Variants in LRBA observed in about 807,000 individuals in gnomAD.
LRBA encodes the protein lipopolysaccharide-responsive and beige-like anchor protein.
Under a neutral mutation model 330.0 loss-of-function variants are expected in LRBA, and 176 were observed. The observed-to-expected ratio is 0.53, with a 90% CI of 0.47 to 0.60. LRBA has a LOEUF of 0.60. Ranked by LOEUF, LRBA falls within the 20% of genes least tolerant of loss-of-function variation. LRBA has a pLI of 0.00. For synonymous variants in LRBA, 1,230 were observed against 1,193.0 expected, an observed-to-expected ratio of 1.03 and a Z score of -0.64; for missense variants, 3,259 against 3,444.8, an observed-to-expected ratio of 0.95 and a Z score of 1.35.
chr4:150,733,580 A>T (rs113638883), intron 36 of LRBA, among the ~76,000 whole-genome samples: 107,703 of 142,128 alleles, frequency 0.76, 42,775 homozygotes, highest in Non-Finnish European at 0.91. Context: ...TCTCTCTCAC[A>T]CACACACACA....
At chr4:150,925,530 G>A (rs182780094) in intron 4 of LRBA, among the ~76,000 whole-genome samples, 1 of 152,282 alleles carries the variant, frequency 6.6e-6, no homozygotes, top group Admixed American at 6.5e-5. Context: ...CTAATGAAAA[G>A]CGCACCAAGT....
At chr4:150,932,229 T>C (rs1383785693) in intron 2 of LRBA, among the ~76,000 whole-genome samples, 1 of 151,750 alleles carries the variant, frequency 6.6e-6, no homozygotes, top group African/African-American at 2.4e-5. Flanking sequence ...AAACTCTATA[T>C]GCAAAAAAAA....
At chr4:150,422,404 A>T (rs1424161201) in intron 46 of LRBA, among the ~76,000 whole-genome samples, 1 of 152,122 alleles carries the variant, frequency 6.6e-6, no homozygotes, top group Non-Finnish European at 1.5e-5. Flanking sequence ...CTCATCTTTC[A>T]CAATGGTGCA....
chr4:150,740,909 A>G (rs1475077362), intron 35 of LRBA, among the ~76,000 whole-genome samples: 1 of 152,086 alleles, frequency 6.6e-6, no homozygotes, highest in Non-Finnish European at 1.5e-5. Flanking sequence ...AAAGACTTAT[A>G]AGTAAGATGG....
At chr4:151,001,888 A>G (rs113239502) in intron 2 of LRBA, among the ~76,000 whole-genome samples, 2 of 152,156 alleles carry the variant, frequency 1.3e-5, no homozygotes, top group African/African-American at 4.8e-5. Flanking sequence ...TGAGGCCTGA[A>G]AAGTGCCAAA....
Position 150,321,505 on chromosome 4 carries a change from C to T in LRBA, c.7453-137G>A, listed in dbSNP as rs1254303569. 7.9e-6 allele frequency: 5 copies of T among 636,706 alleles called. No homozygotes were observed. The African/African-American group carries it at 9.5e-5, about 12-fold the overall frequency. The allele number at this position is 636,706 out of a possible 1,614,324, so 39.4% of individuals were successfully genotyped here. A position where few individuals can be genotyped will look rare whatever the true frequency, so the allele number is the denominator to read the frequency against. The stretch of plus-strand genomic sequence containing the variant: ...TATTAACATGAGTTGTAAGTGGAAG[C>T]ACAGTGAGCAGAAAGGCTTGTAGAA... On this transcript the variant is annotated intron_variant, in intron 49 of 56. Transcript: ENST00000651943. This position sits in a 1 kb window ranked among gnomAD's most constrained non-coding sequence, Gnocchi z 4.5.
In LRBA at chr4:150,893,107, T is replaced by C. The variant is rs2127098326; in HGVS notation, c.2110A>G (p.Met704Val). 2 of 1,612,580 alleles carry C rather than the reference T, an allele frequency of 1.2e-6. No homozygotes were observed. The highest frequency in any genetic ancestry group is 2.2e-5 in the South Asian group (2 of 90,838). ...ATCATAGAGTTAGGGTGTTCTGACATTAATGCAACAAGCAGCTGTAGGACA... is the reference window on the plus strand; with the variant it reads ...ATCATAGAGTTAGGGTGTTCTGACACTAATGCAACAAGCAGCTGTAGGACA... ...MDVLQLLVAL[M>V]SEHPNSMIPA... The change falls in exon 17 of 57, where the codon ATG (methionine) becomes GTG (valine). Residue 704 changes from methionine (M) to valine (V), a missense_variant. By Grantham distance (21) the Met-to-Val change is conservative. Transcript: ENST00000651943.
chr4:150,791,145 C>T (rs543433943), intron 34 of LRBA, among the ~76,000 whole-genome samples: 1 of 152,166 alleles, frequency 6.6e-6, no homozygotes, highest in African/African-American at 2.4e-5. Context: ...GAGACTGGGT[C>T]TGCTCATGTT....
At chr4:150,955,481 C>T (rs770230529) in intron 2 of LRBA, among the ~76,000 whole-genome samples, 5 of 148,808 alleles carry the variant, frequency 3.4e-5, no homozygotes, top group Non-Finnish European at 5.9e-5. Context: ...AAGCCATGTC[C>T]GGTGGCACCC....
intron 34 of LRBA, among the ~76,000 whole-genome samples, chr4:150,797,846 T>C (rs1741018133): frequency 6.6e-6 from 1 of 152,142 alleles, no homozygotes; most frequent in Admixed American, 6.5e-5. Context: ...TGGACATTTT[T>C]AAAGTGACTC....
chr4:150,756,868 G>A (rs1385257988), intron 35 of LRBA, among the ~76,000 whole-genome samples: 1 of 152,122 alleles, frequency 6.6e-6, no homozygotes, highest in African/African-American at 2.4e-5. Context: ...AGAGAAAGTT[G>A]TGCCTTTCAA....
At chr4:150,469,980 C>G (rs1467808786) in intron 43 of LRBA, among the ~76,000 whole-genome samples, 1 of 152,078 alleles carries the variant, frequency 6.6e-6, no homozygotes, top group Non-Finnish European at 1.5e-5. Context: ...GTCAGGAGTT[C>G]AAGACCAGCC....
rs766651200 is a variant in LRBA at position 150,310,270 on chromosome 4, C to G, written c.7808G>C (p.Gly2603Ala). The stretch of plus-strand genomic sequence containing the variant: ...GACTCTGAAACTTTTATCCCAGAAG[C>G]CACAGACGAGAATATAGCGGTTGTC... ...TSDNRYILVC[G>A]FWDKSFRVYS... Residue 2603 changes from glycine (G) to alanine (A), a missense_variant, in exon 52 of 57, where the codon GGC becomes GCC. Transcript: ENST00000651943. The G allele has an allele frequency of 5.6e-6, 9 of 1,612,774 alleles. No homozygotes were observed. The highest frequency in any genetic ancestry group is 1.7e-5 in the Admixed American group (1 of 59,924).
At chr4:150,422,924 C>G (rs1171818593) in intron 46 of LRBA, 1 of 801,966 alleles carries the variant, frequency 1.2e-6, no homozygotes, top group East Asian at 2.4e-5. Context: ...TGGATGCCAG[C>G]TCTGTACAAG....
chr4:150,487,676 T>G, intron 42 of LRBA, 56 bp downstream of exon 42: 1 of 917,638 alleles, frequency 1.1e-6, no homozygotes, highest in South Asian at 1.7e-5. Flanking sequence ...TACTGGTTAA[T>G]TATTATAACT....
intron 30 of LRBA, among the ~76,000 whole-genome samples, chr4:150,823,450 A>C (rs1578896040): frequency 6.6e-6 from 1 of 152,112 alleles, no homozygotes; most frequent in African/African-American, 2.4e-5. Flanking sequence ...TCTGCTATGC[A>C]TAAGTTCTGT....
intron 54 of LRBA, among the ~76,000 whole-genome samples, chr4:150,285,463 C>A (rs1024322161): frequency 2.6e-5 from 4 of 152,196 alleles, no homozygotes; most frequent in African/African-American, 9.7e-5. Flanking sequence ...CCACTGTGGC[C>A]CCTGCCTCAT....
At chr4:150,697,343 A>C (rs1481795786) in intron 36 of LRBA, among the ~76,000 whole-genome samples, 1 of 149,070 alleles carries the variant, frequency 6.7e-6, no homozygotes, top group African/African-American at 2.5e-5. Flanking sequence ...AAAAAAAAAA[A>C]AAAAAAAACA....
At chr4:150,587,082 C>T (rs1772201936) in intron 40 of LRBA, among the ~76,000 whole-genome samples, 2 of 152,090 alleles carry the variant, frequency 1.3e-5, no homozygotes, top group Admixed American at 6.5e-5. Context: ...TTAATAAAGG[C>T]AGCAATATTG....
Sources: allele counts gnomAD v4.1 joint callset (sites outside exome capture counted in the v4.1 genomes callset), GRCh38; gene constraint gnomAD v4.1.1; non-coding constraint Gnocchi (gnomAD v3.1); transcripts MANE v1.5; gene names NCBI Gene and HGNC (gene_info 2026-07-23, HGNC 2026-07-21).